Variants in SLC5A4 observed in about 807,000 individuals in gnomAD.
SLC5A4 encodes probable glucose sensor protein SLC5A4.
SLC5A4 carries 55 observed loss-of-function variants against 70.3 expected under a neutral mutation model. The observed-to-expected ratio is 0.78, with a 90% confidence interval of 0.63 to 0.98. The LOEUF (loss-of-function observed/expected upper bound fraction) is 0.98. Among genes scored for constraint, SLC5A4 ranks in the 50% least tolerant of loss-of-function variants. The probability of loss-of-function intolerance (pLI) is 0.00; values close to 1 mark genes in which losing one functional copy is unlikely to be tolerated. For synonymous variants in SLC5A4, 268 were observed against 305.7 expected, an observed-to-expected ratio of 0.88 and a Z score of 1.29; for missense variants, 735 against 839.2, an observed-to-expected ratio of 0.88 and a Z score of 1.53.
At chr22:32,239,553 T>TAA (rs1926317405) in intron 5 of SLC5A4, among the ~76,000 whole-genome samples, 2 of 16,672 alleles carry the variant, frequency 1.2e-4, no homozygotes, top group Non-Finnish European at 2.1e-4. Context: ...TATATATATA[T>TAA]ATATATATAT....
chr22:32,235,622 G>A (rs1028571882), intron 7 of SLC5A4, among the ~76,000 whole-genome samples: 3 of 152,068 alleles, frequency 2.0e-5, no homozygotes, highest in African/African-American at 7.3e-5. Context: ...AAGATAAGAA[G>A]CAGAAATTGG....
the SLC5A4 span, among the ~76,000 whole-genome samples, chr22:32,266,345 A>G: frequency 6.6e-6 from 1 of 152,146 alleles, no homozygotes; most frequent in Non-Finnish European, 1.5e-5. Flanking sequence ...ACTTCCACAC[A>G]GCGCCACCTG....
the SLC5A4 span, among the ~76,000 whole-genome samples, chr22:32,301,137 A>G: frequency 6.6e-6 from 1 of 152,002 alleles, no homozygotes; most frequent in Non-Finnish European, 1.5e-5. Flanking sequence ...TAATTTTTGT[A>G]TTTTTAGTAG....
chr22:32,241,372 A>G (rs1294545647), intron 5 of SLC5A4, among the ~76,000 whole-genome samples: 2 of 152,230 alleles, frequency 1.3e-5, no homozygotes, highest in East Asian at 3.8e-4. Context: ...ACCGAGGAGA[A>G]GCTTCTAGAA....
rs370114297 is a variant in SLC5A4 at position 32,229,227 on chromosome 22, T to A, written c.1247A>T (p.Gln416Leu). The A allele has an allele frequency of 1.9e-6, 3 of 1,614,130 alleles. No individual in the cohort carries two copies. The highest frequency in any genetic ancestry group is 1.7e-6 in the Non-Finnish European group (2 of 1,180,006). ...TIDLYTKMRK[Q>L]ASEKELLIAG... ...TATCAGGAGCTCTTTCTCCGACGCT[T>A]GCTTCCGCATCTTGGTGTAGAGGTC... Residue 416 changes from glutamine to leucine, a missense_variant, in exon 11 of 15, where the codon CAA becomes CTA. Gln to Leu is a moderately radical substitution (Grantham distance 113, BLOSUM62 -2). Coordinates refer to ENST00000266086, the MANE Select transcript of SLC5A4 (RefSeq NM_014227.3).
intron 10 of SLC5A4, among the ~76,000 whole-genome samples, chr22:32,229,603 C>T (rs908198363): frequency 6.6e-6 from 1 of 152,054 alleles, no homozygotes; most frequent in East Asian, 1.9e-4. Flanking sequence ...AACAATTGAA[C>T]TCATGGCTAT....
At chr22:32,338,775 G>A in the SLC5A4 span, among the ~76,000 whole-genome samples, 21 of 152,216 alleles carry the variant, frequency 1.4e-4, no homozygotes, top group Admixed American at 3.9e-4. Context: ...TGGGAATGAG[G>A]CTGGTGCTGA....
the SLC5A4 span, among the ~76,000 whole-genome samples, chr22:32,299,011 T>C: frequency 7.1e-6 from 1 of 140,798 alleles, no homozygotes; most frequent in East Asian, 2.0e-4. Flanking sequence ...GTAGGGTTTC[T>C]GCCGAGAGAT....
At chr22:32,302,096 A>G in the SLC5A4 span, among the ~76,000 whole-genome samples, 1 of 152,202 alleles carries the variant, frequency 6.6e-6, no homozygotes, top group Non-Finnish European at 1.5e-5. Flanking sequence ...TAGATATGAA[A>G]CCAAAGGCAC....
the SLC5A4 span, among the ~76,000 whole-genome samples, chr22:32,324,241 G>GTGTATATATACACACATA: frequency 1.4e-5 from 2 of 146,968 alleles, no homozygotes; most frequent in Non-Finnish European, 1.5e-5. Context: ...GTATACATAT[G>GTGTATATATACACACATA]TATGTGTATA....
At chr22:32,354,688 C>A in the SLC5A4 span, among the ~76,000 whole-genome samples, 10,295 of 152,046 alleles carry the variant, frequency 0.068, 480 homozygotes, top group African/African-American at 0.12. Context: ...GCACCCCCAA[C>A]CCACTCCCCT....
chr22:32,330,148 C>A, the SLC5A4 span, among the ~76,000 whole-genome samples: 1 of 102,860 alleles, frequency 9.7e-6, no homozygotes, highest in Non-Finnish European at 1.9e-5. Context: ...GGGCTCTGTG[C>A]GTATTGGGGA....
chr22:32,249,359 G>A (rs562978508), intron 3 of SLC5A4, among the ~76,000 whole-genome samples: 6 of 152,282 alleles, frequency 3.9e-5, no homozygotes, highest in African/African-American at 1.4e-4. Context: ...GGGGGCCCAA[G>A]GTCACAGTGA....
chr22:32,301,828 C>T, the SLC5A4 span, among the ~76,000 whole-genome samples: 5 of 110,254 alleles, frequency 4.5e-5, no homozygotes, highest in Non-Finnish European at 9.0e-5. Context: ...ATCAAAGGAA[C>T]ATAATTTAAA....
the SLC5A4 span, among the ~76,000 whole-genome samples, chr22:32,327,621 T>C: frequency 6.6e-6 from 1 of 152,150 alleles, no homozygotes; most frequent in African/African-American, 2.4e-5. Flanking sequence ...GTGGGAGAGC[T>C]TTATGGGAGT....
At chr22:32,252,095 T>C (rs1393628432) in intron 2 of SLC5A4, among the ~76,000 whole-genome samples, 1 of 151,432 alleles carries the variant, frequency 6.6e-6, no homozygotes, top group African/African-American at 2.4e-5. Context: ...CCGGGCGTGG[T>C]GGTGGGCGCC....
At chr22:32,306,175 C>T in the SLC5A4 span, among the ~76,000 whole-genome samples, 3 of 152,166 alleles carry the variant, frequency 2.0e-5, no homozygotes, top group Non-Finnish European at 4.4e-5. Flanking sequence ...ATAAAAATTA[C>T]TGTATATAGG....
chr22:32,337,683 C>T, the SLC5A4 span, among the ~76,000 whole-genome samples: 3 of 152,212 alleles, frequency 2.0e-5, no homozygotes, highest in Non-Finnish European at 2.9e-5. Flanking sequence ...CATTTAACAA[C>T]CTGTTCTCCA....
chr22:32,319,732 C>A, the SLC5A4 span, among the ~76,000 whole-genome samples: 2 of 152,168 alleles, frequency 1.3e-5, no homozygotes, highest in African/African-American at 2.4e-5. Flanking sequence ...TTTTAGTGAG[C>A]CCTTGGCCAC....
Sources: allele counts gnomAD v4.1 joint callset (sites outside exome capture counted in the v4.1 genomes callset), GRCh38; gene constraint gnomAD v4.1.1; transcripts MANE v1.5; gene names NCBI Gene and HGNC (gene_info 2026-07-23, HGNC 2026-07-21).